DDOST: variants seen among roughly 807,000 people sequenced by gnomAD.
DDOST encodes dolichyl-diphosphooligosaccharide--protein glycosyltransferase non-catalytic subunit, also known as dolichyl-diphosphooligosaccharide--protein glycosyltransferase 48 kDa subunit.
Under a neutral mutation model 47.6 loss-of-function variants are expected in DDOST, and 25 were observed. The observed-to-expected ratio is 0.53, with a 90% CI of 0.38 to 0.73. DDOST has a LOEUF of 0.73. DDOST is among the 30% of genes least tolerant of loss of function. DDOST has a pLI of 0.00. For synonymous variants in DDOST, 275 were observed against 236.0 expected, an observed-to-expected ratio of 1.17 and a Z score of -1.51; for missense variants, 526 against 573.9, an observed-to-expected ratio of 0.92 and a Z score of 0.85.
chr1:20,655,454 G>T lies in DDOST; in HGVS notation c.537C>A (p.Leu179=), dbSNP rs993998618. The T allele has an allele frequency of 6.2e-7, 1 of 1,613,754 alleles. No individual in the cohort carries two copies. The highest frequency in any genetic ancestry group is 8.5e-7 in the Non-Finnish European group (1 of 1,179,778). The change falls in exon 5 of 11, where the codon CTC becomes CTA. Residue 179 remains leucine (L), a synonymous_variant. Coordinates refer to ENST00000602624, the MANE Select transcript of DDOST (RefSeq NM_005216.5). ...IVGKSSLNPI[L]FRGVGMVADP... Reference sequence around the variant, plus strand: ...CACTCACTCACCCAACACCTCGAAAGAGGATGGGATTTAGAGATGATTTCC... The same window carrying T: ...CACTCACTCACCCAACACCTCGAAATAGGATGGGATTTAGAGATGATTTCC...
At chr1:20,652,787 C>T in intron 9 of DDOST, 60 bp from the exon 10 acceptor site, 1 of 1,608,694 alleles carries the variant, frequency 6.2e-7, no homozygotes, top group Non-Finnish European at 8.5e-7. Flanking sequence ...CCTGGTTGGG[C>T]CTCGAGAGCA....
At chr1:20,655,628 A>T in intron 4 of DDOST, 48 bp downstream of exon 4, 1 of 1,588,400 alleles carries the variant, frequency 6.3e-7, no homozygotes, top group Non-Finnish European at 8.6e-7. Flanking sequence ...GGCTAAGCAG[A>T]GCTTTGCCAT....
At chr1:20,659,162 CTTT>C (rs11320315) in intron 2 of DDOST, among the ~76,000 whole-genome samples, 2 of 144,590 alleles carry the variant, frequency 1.4e-5, no homozygotes. Context: ...CTAGCCTTTT[CTTT>C]TTTTTTTTTT....
At chr1:20,654,790 A>C (rs2053349725) in intron 5 of DDOST, 83 bp from the exon 6 acceptor site, 2 of 871,738 alleles carry the variant, frequency 2.3e-6, no homozygotes, top group Admixed American at 4.2e-5. Context: ...AGTTCTTCCC[A>C]GGAATGAATC....
chr1:20,654,490 A>T (rs2053343286), intron 6 of DDOST, 119 bp from the exon 7 acceptor site: 1 of 1,393,252 alleles, frequency 7.2e-7, no homozygotes, highest in Non-Finnish European at 9.9e-7. Context: ...CTGAAGGGGG[A>T]GCCTGAGACC....
chr1:20,656,051 C>T (rs1183998180), intron 3 of DDOST, 50 bp downstream of exon 3: 3 of 1,499,072 alleles, frequency 2.0e-6, no homozygotes, highest in Non-Finnish European at 2.8e-6. Context: ...TAATGCTCTC[C>T]AACTCCCTGG....
At chr1:20,654,471 T>C in intron 6 of DDOST, 100 bp from the exon 7 acceptor site, 2 of 1,441,480 alleles carry the variant, frequency 1.4e-6, no homozygotes, top group Non-Finnish European at 1.9e-6. Flanking sequence ...AAAACGACCC[T>C]GGCCCTACCT....
intron 3 of DDOST, 83 bp downstream of exon 3, chr1:20,656,018 G>A: frequency 8.2e-7 from 1 of 1,217,312 alleles, no homozygotes; most frequent in Non-Finnish European, 1.2e-6. Flanking sequence ...CCCAGTGAAT[G>A]CTAATTTGGC....
intron 8 of DDOST, 72 bp downstream of exon 8, chr1:20,653,555 A>C: frequency 6.9e-7 from 1 of 1,459,814 alleles, no homozygotes; most frequent in Non-Finnish European, 9.2e-7. Flanking sequence ...GAAGTGTTCA[A>C]TAAGTGCTTC....
At position 20,655,666 on chromosome 1, in the gene DDOST, G is replaced by C. The variant is rs750968899; in HGVS notation, c.456+10C>G. ...GCCCCTGAAACCTGGAAGGTGACAGGCCTGATTACCTGGCCAAGGTCTGAG... is the reference window on the plus strand; with the variant it reads ...GCCCCTGAAACCTGGAAGGTGACAGCCCTGATTACCTGGCCAAGGTCTGAG... On this transcript the variant is annotated intron_variant, in intron 4 of 10. Coordinates refer to ENST00000602624, the MANE Select transcript of DDOST (RefSeq NM_005216.5). The C allele has an allele frequency of 1.1e-5, 18 of 1,610,488 alleles. No individual in the cohort carries two copies. The highest frequency in any genetic ancestry group is 1.5e-5 in the Non-Finnish European group (18 of 1,176,670).
At position 20,655,758 on chromosome 1, in the gene DDOST, C is replaced by A; in HGVS notation, c.374G>T (p.Gly125Val). ...SDIGDPLRELGSECGIEFDEE... is the reference protein window; with the variant it reads ...SDIGDPLRELVSECGIEFDEE... ...GTCAAACTCAATCCCGCACTCACTG[C>A]CCAGCTCTCGAAGAGGGTCACCTGC... The change falls in exon 4 of 11, where the codon GGC becomes GTC. Residue 125 changes from glycine to valine, a missense_variant. Physicochemically the swap from Gly to Val is moderately radical, Grantham distance 109 (BLOSUM62 -3). Coordinates refer to ENST00000602624, the MANE Select transcript of DDOST (RefSeq NM_005216.5). The A allele has an allele frequency of 1.9e-6, 3 of 1,614,086 alleles. No homozygotes were observed. The highest frequency in any genetic ancestry group is 2.5e-6 in the Non-Finnish European group (3 of 1,179,968).
At chr1:20,652,560 C>T in intron 10 of DDOST, 32 bp from the exon 11 acceptor site, 1 of 1,613,958 alleles carries the variant, frequency 6.2e-7, no homozygotes, top group South Asian at 1.1e-5. Flanking sequence ...AGGACCTGGC[C>T]ACTGCAGAGC....
In DDOST at chr1:20,654,618, G is replaced by A. The variant is rs1280449445; in HGVS notation, c.641C>T (p.Thr214Ile). Residue 214 changes from threonine (T) to isoleucine (I), a missense_variant, in exon 6 of 11, where the codon ACC becomes ATC. Coordinates refer to ENST00000602624, the MANE Select transcript of DDOST (RefSeq NM_005216.5). ...TCAAGGTTGTGAAGCCCTTACCTGG[G>A]TGATAGGCTTGTCCGGGAAGAAGGA... ...SYSFFPDKPITQYPHAVGKNT... is the reference protein window; with the variant it reads ...SYSFFPDKPIIQYPHAVGKNT... 1.3e-6 allele frequency: 2 copies of A among 1,560,710 alleles called. No homozygotes were observed. The highest frequency in any genetic ancestry group is 1.2e-5 in the South Asian group (1 of 84,800).
At position 20,652,490 on chromosome 1, in the gene DDOST, G is replaced by A. The variant is rs148883998; in HGVS notation, c.1209C>T (p.Arg403=). 425 of 1,614,004 alleles carry A rather than the reference G, an allele frequency of 2.6e-4. No homozygotes were observed. The African/African-American group carries it at 5.0e-3, about 19-fold the overall frequency. Residue 403 remains arginine, a synonymous_variant, in exon 11 of 11, where the codon CGC becomes CGT. Coordinates refer to ENST00000602624, the MANE Select transcript of DDOST (RefSeq NM_005216.5). ...VRPLQHTQYE[R]FIPSAYPYYA... ...AGTAGGGGTAGGCCGAGGGGATGAAGCGCTCATACTGCGTGTGCTGGAGTG... is the reference window on the plus strand; with the variant it reads ...AGTAGGGGTAGGCCGAGGGGATGAAACGCTCATACTGCGTGTGCTGGAGTG...
chr1:20,655,164 T>C (rs2053354938), intron 5 of DDOST, among the ~76,000 whole-genome samples: 1 of 50,796 alleles, frequency 2.0e-5, no homozygotes, highest in Non-Finnish European at 3.9e-5. Flanking sequence ...TCGGCCAACT[T>C]TTTTTTGTTT....
intron 2 of DDOST, among the ~76,000 whole-genome samples, chr1:20,656,774 A>C (rs1403674058): frequency 6.6e-6 from 1 of 152,212 alleles, no homozygotes; most frequent in African/African-American, 2.4e-5. Context: ...AGTGATCACC[A>C]AAAGGGCTCA....
At chr1:20,655,293 G>T in intron 5 of DDOST, 147 bp downstream of exon 5, 2 of 595,200 alleles carry the variant, frequency 3.4e-6, no homozygotes, top group Non-Finnish European at 6.0e-6. Flanking sequence ...ATTACAGGTT[G>T]AGCCACTATA....
chr1:20,655,604 C>T, intron 4 of DDOST, 70 bp from the exon 5 acceptor site: 1 of 1,593,828 alleles, frequency 6.3e-7, no homozygotes, highest in Non-Finnish European at 8.6e-7. Flanking sequence ...CCTCCTCACA[C>T]CCTCTTGGCT....
chr1:20,653,726 C>T lies in DDOST; in HGVS notation c.843G>A (p.Trp281Ter), dbSNP rs751094890. The T allele has an allele frequency of 6.2e-7, 1 of 1,613,950 alleles. No homozygotes were observed. The highest frequency in any genetic ancestry group is 1.3e-5 in the African/African-American group (1 of 74,920). The change falls in exon 8 of 11, where the codon TGG becomes TGA. Residue 281 changes from tryptophan (W) to a stop codon, truncating the protein, a stop_gained. Transcript: ENST00000602624. LOFTEE classifies it high-confidence loss of function. ...GGAGGACACCCTCCTCCTTGAACAC[C>T]CAGCGGGAGAGGGCCACAGCTAGTT... ...NYELAVALSR[W>*]VFKEEGVLRV... is the part of the protein sequence containing the mutation.
Sources: gnomAD v4.1 joint callset for allele counts (sites outside exome capture counted in the v4.1 genomes callset) on GRCh38, gnomAD v4.1.1 for gene constraint, MANE v1.5 for transcripts, NCBI Gene and HGNC (gene_info 2026-07-23, HGNC 2026-07-21) for gene names.